The following DONSON variants were observed in gnomAD, a reference collection of about 807,000 sequenced individuals.
The protein encoded by DONSON is protein downstream neighbor of Son.
In DONSON, 43 loss-of-function variants were observed where a neutral mutation model predicts 62.1. The ratio of observed to expected loss-of-function variants is 0.69; its 90% CI spans 0.54 to 0.89. The LOEUF is 0.89. DONSON is among the 40% of genes least tolerant of loss of function. The pLI, the probability that DONSON is intolerant of heterozygous loss-of-function variation, is 0.00. For missense variants in DONSON, 696 were observed against 697.5 expected, an observed-to-expected ratio of 1.00 and a Z score of 0.03; for synonymous variants, 266 against 264.6, an observed-to-expected ratio of 1.01 and a Z score of -0.05.
intron 1 of DONSON, 34 bp downstream of exon 1, chr21:33,588,287 G>A (rs771928299): frequency 1.6e-6 from 2 of 1,240,532 alleles, no homozygotes; most frequent in African/African-American, 1.5e-5. Context: ...CGAAAGACAA[G>A]AGCCCCTTGG....
chr21:33,581,935 A>C lies in DONSON; in HGVS notation c.1151+16T>G, dbSNP rs1007257229. The stretch of plus-strand genomic sequence containing the variant: ...CAATGAAAATTAATTCTAGTTAACA[A>C]CAACTGAAAGGATACAGCTTGATAG... On this transcript the variant is annotated intron_variant, in intron 7 of 9. Transcript: ENST00000303071. 2 of 1,608,906 alleles carry C rather than the reference A, an allele frequency of 1.2e-6. No homozygotes were observed. The highest frequency in any genetic ancestry group is 1.7e-6 in the Non-Finnish European group (2 of 1,175,762).
At position 33,584,674 on chromosome 21, in the gene DONSON, C is replaced by T. The variant is rs1435700392; in HGVS notation, c.701G>A (p.Arg234His). ...PALSWLPLFP[R>H]IGADRKMAGK... Reference sequence around the variant, plus strand: ...AGCCATTTTTCTATCAGCTCCAATACGAGGGAACAGTGGTAGCCAAGACAA... The same window carrying T: ...AGCCATTTTTCTATCAGCTCCAATATGAGGGAACAGTGGTAGCCAAGACAA... Residue 234 changes from arginine (R) to histidine (H), a missense_variant, in exon 4 of 10, where the codon CGT becomes CAT. Arg to His is a conservative substitution (Grantham distance 29, BLOSUM62 0). Coordinates refer to ENST00000303071, the MANE Select transcript of DONSON (RefSeq NM_017613.4). The T allele has an allele frequency of 6.8e-6, 11 of 1,613,074 alleles. No homozygotes were observed. Among genetic ancestry groups the T allele is most frequent in the South Asian group, 2.2e-5 (2 of 90,948 alleles).
In DONSON at chr21:33,582,474, T is replaced by C. The variant is rs541734743; in HGVS notation, c.965-228A>G. Among the ~76,000 whole-genome samples, 5 of 152,318 alleles carry C rather than the reference T, an allele frequency of 3.3e-5. No homozygotes were observed. The East Asian group carries it at 7.7e-4, about 24-fold the overall frequency. ...ATGTAACACTCTTTCATAAATCATA[T>C]TGTATTCCAGTTCACTTTTTGAAAA... On this transcript the variant is annotated intron_variant, in intron 5 of 9. Coordinates refer to ENST00000303071, the MANE Select transcript of DONSON (RefSeq NM_017613.4).
intron 8 of DONSON, among the ~76,000 whole-genome samples, chr21:33,580,801 G>T (rs992563933): frequency 2.6e-5 from 4 of 152,018 alleles, no homozygotes; most frequent in Non-Finnish European, 5.9e-5. Flanking sequence ...AGAATCGCTT[G>T]AACCCCAGAG....
Position 33,586,022 on chromosome 21 carries a change from GGACAA to G in DONSON, c.557_561del (p.Leu186ProfsTer4), listed in dbSNP as rs1244473323. ...GTAACTTCTGTTGCCCTACAATGCT[GGACAA>G]GACCTTGAGCTTCTTCCTGTGCTTT... On this transcript the variant is annotated frameshift_variant, in exon 3 of 10. Coordinates refer to ENST00000303071, the MANE Select transcript of DONSON (RefSeq NM_017613.4). LOFTEE classifies it high-confidence loss of function. The G allele has an allele frequency of 3.7e-6, 6 of 1,614,154 alleles. No individual in the cohort carries two copies. In the South Asian group the frequency reaches 6.6e-5, roughly 18 times the overall value.
At chr21:33,584,083 C>T (rs1264760698) in intron 4 of DONSON, among the ~76,000 whole-genome samples, 31 of 140,966 alleles carry the variant, frequency 2.2e-4, no homozygotes, top group Admixed American at 9.5e-4. Flanking sequence ...TTCGCTCTGT[C>T]GCCCAGGCTG....
At chr21:33,585,214 A>G (rs1175616076) in intron 3 of DONSON, among the ~76,000 whole-genome samples, 1 of 152,108 alleles carries the variant, frequency 6.6e-6, no homozygotes, top group Non-Finnish European at 1.5e-5. Context: ...TTTTTAACCT[A>G]GTTTGAGACT....
At chr21:33,581,634 G>T in intron 7 of DONSON, 134 bp from the exon 8 acceptor site, 1 of 754,192 alleles carries the variant, frequency 1.3e-6, no homozygotes, top group Non-Finnish European at 2.1e-6. Flanking sequence ...TCTCTTTACC[G>T]AATCATAAGG....
chr21:33,578,308 C>G lies in DONSON; in HGVS notation c.1700G>C (p.Ter567SerextTer4). Residue 567 changes from the stop codon to serine (S), a stop_lost, in exon 10 of 10, where the codon TGA (stop) becomes TCA (serine). Coordinates refer to ENST00000303071, the MANE Select transcript of DONSON (RefSeq NM_017613.4). The part of the protein sequence containing the change: ...LRDYIYNWRS[*>S] Reference sequence around the variant, plus strand: ...TTCCTTTTAGGCTTACTTTGGTGTTCAGGATCTCCAATTATAAATGTAGTC... The same window carrying G: ...TTCCTTTTAGGCTTACTTTGGTGTTGAGGATCTCCAATTATAAATGTAGTC... The G allele has an allele frequency of 6.2e-7, 1 of 1,612,128 alleles. No homozygotes were observed. The highest frequency in any genetic ancestry group is 1.1e-5 in the South Asian group (1 of 90,640).
At chr21:33,582,281 TTTA>T (rs1465915484) in intron 5 of DONSON, 35 bp from the exon 6 acceptor site, 10 of 1,500,114 alleles carry the variant, frequency 6.7e-6, no homozygotes, top group Middle Eastern at 1.7e-4. Flanking sequence ...TGAGTTGTCA[TTTA>T]AAGTATTTAA....
Position 33,582,228 on chromosome 21 carries a change from G to A in DONSON, c.983C>T (p.Pro328Leu), listed in dbSNP as rs1383970683. 4.3e-6 allele frequency: 7 copies of A among 1,613,712 alleles called. No homozygotes were observed. In the East Asian group the frequency reaches 1.1e-4, roughly 26 times the overall value. The change falls in exon 6 of 10, where the codon CCT becomes CTT. Residue 328 changes from proline to leucine, a missense_variant. By Grantham distance (98) the Pro-to-Leu change is moderately conservative (BLOSUM62 -3). Coordinates refer to ENST00000303071, the MANE Select transcript of DONSON (RefSeq NM_017613.4). ...MRNEGIEFSL[P>L]LIKESGHKKE... ...CTTATGGCCACTTTCTTTTATTAAA[G>A]GCAGAGAAAATTCAATACCTATATG... is the stretch of plus-strand genomic sequence containing the variant.
At chr21:33,588,254 C>T (rs1012283889) in intron 1 of DONSON, 67 bp downstream of exon 1, 3 of 1,146,220 alleles carry the variant, frequency 2.6e-6, no homozygotes, top group East Asian at 3.3e-5. Context: ...TTTCCATCCC[C>T]CATTCACAGC....
In DONSON at chr21:33,588,574, C is replaced by T. The variant is rs11553354; in HGVS notation, c.68G>A (p.Arg23Gln). ...AGCTCCACGGCTCCGGGCCCTTTTC[C>T]GTCGGAGCCGCACTACCTCGGGCGG... ...RKPPEVVRLR[R>Q]KRARSRGAAA... Residue 23 changes from arginine (R) to glutamine (Q), a missense_variant, in exon 1 of 10, where the codon CGG (arginine) becomes CAG (glutamine). By Grantham distance (43) the Arg-to-Gln change is conservative. Transcript: ENST00000303071. 1 of 1,254,446 alleles carries T rather than the reference C, an allele frequency of 8.0e-7. No individual in the cohort carries two copies. Among genetic ancestry groups the T allele is most frequent in the Non-Finnish European group, 1.0e-6 (1 of 998,722 alleles). The allele number at this position is 1,254,446 out of a possible 1,614,324, so 77.7% of individuals were successfully genotyped here. A position where few individuals can be genotyped will look rare whatever the true frequency, so the allele number is the denominator to read the frequency against.
Position 33,588,380 on chromosome 21 carries a change from G to C in DONSON, c.262C>G (p.Arg88Gly). 1 of 1,291,780 alleles carries C rather than the reference G, an allele frequency of 7.7e-7. No individual in the cohort carries two copies. Among genetic ancestry groups the C allele is most frequent in the Non-Finnish European group, 9.8e-7 (1 of 1,024,438 alleles). The allele number at this position is 1,291,780 out of a possible 1,614,324, so 80.0% of individuals were successfully genotyped here. The change falls in exon 1 of 10, where the codon CGG (arginine) becomes GGG (glycine). Residue 88 changes from arginine to glycine, a missense_variant. Coordinates refer to ENST00000303071, the MANE Select transcript of DONSON (RefSeq NM_017613.4). Reference sequence around the variant, plus strand: ...CCGTCGGGGGGCTCCGCGGCGACCCGCGGTCGGTTGTCCAGGCGGGCGAAG... The same window carrying C: ...CCGTCGGGGGGCTCCGCGGCGACCCCCGGTCGGTTGTCCAGGCGGGCGAAG... Reference protein sequence around the residue: ...NPFARLDNRPRVAAEPPDGPA... With the variant: ...NPFARLDNRPGVAAEPPDGPA...
chr21:33,579,244 T>C, intron 9 of DONSON, 106 bp downstream of exon 9: 1 of 790,390 alleles, frequency 1.3e-6, no homozygotes, highest in East Asian at 2.6e-5. Context: ...AGTAACAGTT[T>C]AATTACTTGA....
Position 33,579,489 on chromosome 21 carries a change from G to T in DONSON, c.1424C>A (p.Pro475His), listed in dbSNP as rs773823866. 1 of 1,614,200 alleles carries T rather than the reference G, an allele frequency of 6.2e-7. No homozygotes were observed. The highest frequency in any genetic ancestry group is 2.2e-5 in the East Asian group (1 of 44,888). ...RDQFSLEITG[P>H]IMPHSLHSLT... ...TGAATGCAGAGAATGAGGCATGATA[G>T]GACCTGTAATCTCCAAACTAAATTG... The change falls in exon 9 of 10, where the codon CCT (proline) becomes CAT (histidine). Residue 475 changes from proline to histidine, a missense_variant. Transcript: ENST00000303071.
At chr21:33,584,857 T>A in intron 3 of DONSON, 89 bp from the exon 4 acceptor site, 1 of 1,062,740 alleles carries the variant, frequency 9.4e-7, no homozygotes, top group Non-Finnish European at 1.3e-6. Context: ...CACTTAGGTC[T>A]AAGAATCTTT....
Position 33,588,555 on chromosome 21 carries a change from A to T in DONSON, c.87T>A (p.Arg29=). The T allele has an allele frequency of 8.0e-7, 1 of 1,248,454 alleles. No homozygotes were observed. Among genetic ancestry groups the T allele is most frequent in the South Asian group, 3.2e-5 (1 of 31,170 alleles). 77.3% of individuals were successfully genotyped at this position (1,248,454 alleles called of 1,614,324 possible). A position where few individuals can be genotyped will look rare whatever the true frequency, so the allele number is the denominator to read the frequency against. ...VRLRRKRARS[R]GAAASPPREL... ...CACGGGGCGGGGAGGCGGCAGCTCCACGGCTCCGGGCCCTTTTCCGTCGGA... is the reference window on the plus strand; with the variant it reads ...CACGGGGCGGGGAGGCGGCAGCTCCTCGGCTCCGGGCCCTTTTCCGTCGGA... The change falls in exon 1 of 10, where the codon CGT becomes CGA. Residue 29 remains arginine (R), a synonymous_variant. Coordinates refer to ENST00000303071, the MANE Select transcript of DONSON (RefSeq NM_017613.4).
intron 9 of DONSON, 34 bp from the exon 10 acceptor site, chr21:33,578,478 A>G (rs1426788251): frequency 3.2e-6 from 5 of 1,584,068 alleles, no homozygotes; most frequent in Non-Finnish European, 4.3e-6. Context: ...AGTAAAAAGC[A>G]CATTAGTCTT....
Sources: gnomAD v4.1 joint callset for allele counts (sites outside exome capture counted in the v4.1 genomes callset) on GRCh38, gnomAD v4.1.1 for gene constraint, MANE v1.5 for transcripts, NCBI Gene and HGNC (gene_info 2026-07-23, HGNC 2026-07-21) for gene names.